The following UPF2 variants were observed in gnomAD, a reference collection of about 807,000 sequenced individuals.
The protein encoded by UPF2 is UPF2 regulator of nonsense mediated mRNA decay.
A neutral mutation model predicts 141.4 loss-of-function variants in UPF2; 17 were observed. That is an observed-to-expected ratio of 0.12 (90% CI 0.08 to 0.18). The LOEUF (loss-of-function observed/expected upper bound fraction) is 0.18, where lower values mean the gene tolerates loss of function less well. UPF2 is among the 10% of genes least tolerant of loss of function. UPF2 has a pLI of 1.00. For synonymous variants in UPF2, 540 were observed against 498.0 expected (o/e 1.08, Z -1.12); for missense variants, 1,152 against 1,515.9 (o/e 0.76, Z 3.99).
chr10:12,007,062 C>T (rs1017512351), intron 4 of UPF2, among the ~76,000 whole-genome samples: 7 of 152,202 alleles, frequency 4.6e-5, no homozygotes, highest in East Asian at 1.9e-4. Flanking sequence ...ATAAGTTGCC[C>T]GGTCTAGGGT....
Position 12,035,119 on chromosome 10 carries a change from C to A in UPF2, c.305G>T (p.Arg102Ile). 1 of 1,591,378 alleles carries A rather than the reference C, an allele frequency of 6.3e-7. No homozygotes were observed. Residue 102 changes from arginine (R) to isoleucine (I), a missense_variant, in exon 2 of 22, where the codon AGA becomes ATA. Arg to Ile is a moderately conservative substitution (Grantham distance 97, BLOSUM62 -3). Transcript: ENST00000357604. ...TTTGGCCTGCTCTTCTTGCTTCTTT[C>A]TCTCTTCCTCTTGATGTTTCTTTTT... ...EEKKKHQEEE[R>I]KKQEEQAKRQ...
intron 8 of UPF2, among the ~76,000 whole-genome samples, chr10:11,988,656 T>C (rs950097081): frequency 9.9e-5 from 15 of 152,182 alleles, no homozygotes; most frequent in Non-Finnish European, 1.6e-4. Flanking sequence ...TGGGTGAGTA[T>C]GGGTGCAGGA....
chr10:11,961,946 T>A (rs1278530794), intron 11 of UPF2, among the ~76,000 whole-genome samples: 1 of 152,156 alleles, frequency 6.6e-6, no homozygotes, highest in Non-Finnish European at 1.5e-5. Context: ...TAAGCCCCTA[T>A]ACTGACGCAT....
At position 11,920,030 on chromosome 10, in the gene UPF2, AAC is replaced by A. The variant is rs1255783079; in HGVS notation, c.*1266_*1267del. 1 of 152,238 alleles carries A rather than the reference AAC, an allele frequency of 6.6e-6. No homozygotes were observed. Among genetic ancestry groups the A allele is most frequent in the East Asian group, 1.9e-4 (1 of 5,204 alleles). The allele number at this position is 152,238 out of a possible 1,614,324, so 9.4% of individuals were successfully genotyped here. On this transcript the variant is annotated 3_prime_UTR_variant, in exon 22 of 22. Coordinates refer to ENST00000357604, the MANE Select transcript of UPF2 (RefSeq NM_015542.4). ...CAACACCACGCCAAATCTAAATTAC[AAC>A]ACTTTATTGCAGCATCGGCAAAGGT...
At chr10:11,985,825 G>A (rs1833680428) in intron 8 of UPF2, among the ~76,000 whole-genome samples, 1 of 148,620 alleles carries the variant, frequency 6.7e-6, no homozygotes, top group Non-Finnish European at 1.5e-5. Context: ...ATTTAAGCCA[G>A]ATGGGTATTT....
intron 16 of UPF2, among the ~76,000 whole-genome samples, chr10:11,947,783 T>C (rs1328011072): frequency 5.9e-5 from 6 of 101,216 alleles, no homozygotes; most frequent in Non-Finnish European, 1.1e-4. Context: ...AGAAACCTTG[T>C]CTCAAAAAAA....
At chr10:12,001,051 C>G (rs1833943190) in intron 6 of UPF2, among the ~76,000 whole-genome samples, 4 of 152,086 alleles carry the variant, frequency 2.6e-5, no homozygotes, top group Non-Finnish European at 5.9e-5. Flanking sequence ...CAGGAGAATG[C>G]TATCAAGTTC....
chr10:12,020,787 A>G (rs936584243), intron 3 of UPF2, among the ~76,000 whole-genome samples: 3 of 152,236 alleles, frequency 2.0e-5, no homozygotes, highest in Admixed American at 6.5e-5. Flanking sequence ...ATGCCAGGTA[A>G]CTTGCCCAAG....
At chr10:11,977,587 T>C (rs919395377) in intron 9 of UPF2, among the ~76,000 whole-genome samples, 5 of 152,180 alleles carry the variant, frequency 3.3e-5, no homozygotes, top group Non-Finnish European at 5.9e-5. Context: ...AATTTGGGGA[T>C]TGGCTGAGGG....
intron 16 of UPF2, among the ~76,000 whole-genome samples, chr10:11,947,442 G>A (rs1364597040): frequency 1.3e-5 from 2 of 152,078 alleles, no homozygotes; most frequent in African/African-American, 4.8e-5. Flanking sequence ...GTTTTGAAGA[G>A]TATAAAATCC....
chr10:12,042,315 C>T lies in UPF2; in HGVS notation c.-19+440G>A, dbSNP rs1209637009. Among the ~76,000 whole-genome samples, 3 of 152,160 alleles carry T rather than the reference C, an allele frequency of 2.0e-5. No individual in the cohort carries two copies. Among genetic ancestry groups the T allele is most frequent in the African/African-American group, 2.4e-5 (1 of 41,450 alleles). On this transcript the variant is annotated intron_variant, in intron 1 of 21. Transcript: ENST00000357604. The surrounding 1 kb of genome is among the most constrained non-coding windows in gnomAD (Gnocchi z 5.5). ...TCCCTCGCCACAGAAGCCTTCCCGG[C>T]CGGTCTCCCCACTCCGCAGCCTCCC...
intron 1 of UPF2, among the ~76,000 whole-genome samples, chr10:12,037,563 T>C (rs1043168429): frequency 2.6e-5 from 4 of 151,904 alleles, no homozygotes; most frequent in African/African-American, 9.7e-5. Context: ...ACTCAGCTAA[T>C]TTTTGTATTT....
At position 12,031,272 on chromosome 10, in the gene UPF2, T is replaced by C. The variant is rs529822692; in HGVS notation, c.366-1748A>G. 8.5e-5 allele frequency among the ~76,000 whole-genome samples: 13 copies of C among 152,266 alleles called. No individual in the cohort carries two copies. The East Asian group carries it at 1.7e-3, about 20-fold the overall frequency. On this transcript the variant is annotated intron_variant, in intron 2 of 21. Transcript: ENST00000357604. ...CCTTTAACAAAGTACCTTGCTATGTTTGGGCTCTTAAAAATTCAAGTGATT... is the reference window on the plus strand; with the variant it reads ...CCTTTAACAAAGTACCTTGCTATGTCTGGGCTCTTAAAAATTCAAGTGATT...
At chr10:11,924,787 T>G (rs556435953) in intron 21 of UPF2, among the ~76,000 whole-genome samples, 5 of 152,228 alleles carry the variant, frequency 3.3e-5, no homozygotes, top group African/African-American at 1.2e-4. Flanking sequence ...TCCAAATAAA[T>G]TTCCCTTTAT....
At chr10:11,955,976 T>C (rs1833142693) in intron 13 of UPF2, among the ~76,000 whole-genome samples, 1 of 152,038 alleles carries the variant, frequency 6.6e-6, no homozygotes, top group Non-Finnish European at 1.5e-5. Flanking sequence ...ACCCCGTCTC[T>C]ACTAAAAATA....
chr10:12,041,834 A>G (rs183018973), intron 1 of UPF2, among the ~76,000 whole-genome samples: 9 of 152,320 alleles, frequency 5.9e-5, no homozygotes, highest in African/African-American at 1.9e-4. Flanking sequence ...GAAATGAGAT[A>G]AAGCGTCAGC....
intron 1 of UPF2, among the ~76,000 whole-genome samples, chr10:12,037,205 C>T (rs1453998592): frequency 6.6e-6 from 1 of 151,894 alleles, no homozygotes; most frequent in African/African-American, 2.4e-5. Context: ...CTGCCTCAGC[C>T]CCCCAAGTAG....
rs181825444 is a variant in UPF2 at position 11,992,171 on chromosome 10, C to T, written c.1844+5501G>A. 2.0e-5 allele frequency among the ~76,000 whole-genome samples: 3 copies of T among 151,944 alleles called. No individual in the cohort carries two copies. In the East Asian group the frequency reaches 5.8e-4, roughly 29 times the overall value. On this transcript the variant is annotated intron_variant, in intron 8 of 21. Transcript: ENST00000357604. This position sits in a 1 kb window ranked among gnomAD's most constrained non-coding sequence, Gnocchi z 4.1. ...AAAAAAAAATGAAAATGACCTTCAG[C>T]AAATAAGGGCATTAGAGCAAGAAAT...
chr10:12,022,965 G>A (rs551647253), intron 3 of UPF2, among the ~76,000 whole-genome samples: 1 of 152,092 alleles, frequency 6.6e-6, no homozygotes, highest in African/African-American at 2.4e-5. Flanking sequence ...AATCATGAGG[G>A]TACTAAGTCA....
Sources: gnomAD v4.1 joint callset for allele counts (sites outside exome capture counted in the v4.1 genomes callset) on GRCh38, gnomAD v4.1.1 for gene constraint, Gnocchi (gnomAD v3.1) non-coding constraint, MANE v1.5 for transcripts, NCBI Gene and HGNC (gene_info 2026-07-23, HGNC 2026-07-21) for gene names.